Variants in CNIH4 observed in about 807,000 individuals in gnomAD.
CNIH4 encodes cornichon family member 4, also known as protein cornichon homolog 4.
A neutral mutation model predicts 21.5 loss-of-function variants in CNIH4; 9 were observed. That is an observed-to-expected ratio of 0.42 (90% CI 0.25 to 0.73). The LOEUF is 0.73. Among genes scored for constraint, CNIH4 ranks in the 30% least tolerant of loss-of-function variants. CNIH4 has a pLI of 0.27. For synonymous variants in CNIH4, 67 were observed against 59.1 expected, an observed-to-expected ratio of 1.13 and a Z score of -0.61; for missense variants, 159 against 170.0, an observed-to-expected ratio of 0.94 and a Z score of 0.36.
At chr1:224,357,053 T>C (rs1215084530) in intron 1 of CNIH4, 60 bp downstream of exon 1, 15 of 1,565,144 alleles carry the variant, frequency 9.6e-6, no homozygotes, top group East Asian at 2.3e-5. Flanking sequence ...GGTGGGCCAG[T>C]TGGGCACCCG....
At position 224,378,174 on chromosome 1, in the gene CNIH4, C is replaced by T. The variant is rs1305500875; in HGVS notation, c.*2352C>T. The T allele has an allele frequency of 6.6e-6, 1 of 152,310 alleles. No individual in the cohort carries two copies. Among genetic ancestry groups the T allele is most frequent in the Non-Finnish European group, 1.5e-5 (1 of 68,192 alleles). 9.4% of individuals were successfully genotyped at this position (152,310 alleles called of 1,614,324 possible). Reference sequence around the variant, plus strand: ...GACTCAAGCAGTCCTCCTGCCTCAGCTTCCCAAGTAGTTGGGAGTAGGTGC... The same window carrying T: ...GACTCAAGCAGTCCTCCTGCCTCAGTTTCCCAAGTAGTTGGGAGTAGGTGC... On this transcript the variant is annotated 3_prime_UTR_variant, in exon 5 of 5. Transcript: ENST00000465271.
intron 3 of CNIH4, 110 bp downstream of exon 3, chr1:224,366,101 G>A: frequency 1.4e-6 from 1 of 725,680 alleles, no homozygotes; most frequent in East Asian, 2.6e-5. Context: ...GAGTGCAGTG[G>A]TGTGATCTCA....
rs1024614712 is a variant in CNIH4 at position 224,357,027 on chromosome 1, G to T, written c.69+34G>T. ...GCCTGAGGCAGGCGAACGCCTTGCC[G>T]GGGGACACGGCTGAGGGTGGGCCAG... On this transcript the variant is annotated intron_variant, in intron 1 of 4. Coordinates refer to ENST00000465271, the MANE Select transcript of CNIH4 (RefSeq NM_014184.4). 3.8e-6 allele frequency: 6 copies of T among 1,590,478 alleles called. No individual in the cohort carries two copies. In the African/African-American group the frequency reaches 8.0e-5, roughly 21 times the overall value.
chr1:224,370,417 A>C (rs1170840173), intron 3 of CNIH4, among the ~76,000 whole-genome samples: 1 of 152,204 alleles, frequency 6.6e-6, no homozygotes, highest in Non-Finnish European at 1.5e-5. Flanking sequence ...GTGACAACTA[A>C]GGTTGTACTA....
At chr1:224,367,757 T>C (rs540340317) in intron 3 of CNIH4, among the ~76,000 whole-genome samples, 6 of 152,290 alleles carry the variant, frequency 3.9e-5, no homozygotes, top group Admixed American at 6.5e-5. Context: ...CGCCCTAAAG[T>C]GAGCTCTGAG....
chr1:224,375,483 T>TTTGTA (rs1672754188), intron 4 of CNIH4, among the ~76,000 whole-genome samples: 1 of 152,056 alleles, frequency 6.6e-6, no homozygotes, highest in African/African-American at 2.4e-5. Context: ...ATAGGTGTTT[T>TTTGTA]TTGTTTTGTT....
chr1:224,361,753 T>G (rs1363323948), intron 2 of CNIH4, among the ~76,000 whole-genome samples: 1 of 152,044 alleles, frequency 6.6e-6, no homozygotes, highest in African/African-American at 2.4e-5. Flanking sequence ...TGGCTGATTT[T>G]TAAAATTTTT....
At chr1:224,365,617 C>G (rs1672429696) in intron 2 of CNIH4, among the ~76,000 whole-genome samples, 1 of 152,140 alleles carries the variant, frequency 6.6e-6, no homozygotes, top group African/African-American at 2.4e-5. Flanking sequence ...TCATTCAAAT[C>G]TGCTTAATGA....
At position 224,357,284 on chromosome 1, in the gene CNIH4, CCCGCCTGCTCT is replaced by C. The variant is rs1672144384; in HGVS notation, c.69+296_69+306del. 1.5e-5 allele frequency: 5 copies of C among 322,802 alleles called. No homozygotes were observed. The Admixed American group carries it at 2.6e-4, about 17-fold the overall frequency. 20.0% of individuals were successfully genotyped at this position (322,802 alleles called of 1,614,324 possible). A position where few individuals can be genotyped will look rare whatever the true frequency, so the allele number is the denominator to read the frequency against. ...TCCGGGCGCGCCCCGTCTCGGCCTG[CCCGCCTGCTCT>C]CCGCTCGTCCCCGCGGCGCCCGGAC... On this transcript the variant is annotated intron_variant, in intron 1 of 4. Coordinates refer to ENST00000465271, the MANE Select transcript of CNIH4 (RefSeq NM_014184.4).
In CNIH4 at chr1:224,357,835, C is replaced by G. The variant is rs548390499; in HGVS notation, c.69+842C>G. On this transcript the variant is annotated intron_variant, in intron 1 of 4. Transcript: ENST00000465271. ...GTGGTTGAATTTAGCACTGCAGTAG[C>G]CATGTCGGCTACAACTCTTCCCATC... Among the ~76,000 whole-genome samples, 53 of 152,308 alleles carry G rather than the reference C, an allele frequency of 3.5e-4. 2 individuals are homozygous for G. In the South Asian group the frequency reaches 0.011, roughly 32 times the overall value.
intron 3 of CNIH4, among the ~76,000 whole-genome samples, chr1:224,370,768 AT>A (rs1043364622): frequency 5.9e-5 from 9 of 152,116 alleles, no homozygotes; most frequent in Non-Finnish European, 1.2e-4. Flanking sequence ...AGGGCAGAAG[AT>A]TAACAGTATT....
In CNIH4 at chr1:224,369,668, T is replaced by C. The variant is rs572697566; in HGVS notation, c.252-1615T>C. Among the ~76,000 whole-genome samples, 32 of 149,646 alleles carry C rather than the reference T, an allele frequency of 2.1e-4. 1 individual carries two copies. In the East Asian group the frequency reaches 4.2e-3, roughly 20 times the overall value. On this transcript the variant is annotated intron_variant, in intron 3 of 4. Coordinates refer to ENST00000465271, the MANE Select transcript of CNIH4 (RefSeq NM_014184.4). ...GAGGTAATGGATACCCCGTTTACCC[T>C]GATGTGATTTTTTTTTTTTTTTTTT... is the stretch of plus-strand genomic sequence containing the variant.
In CNIH4 at chr1:224,376,743, A is replaced by G. The variant is rs1256616245; in HGVS notation, c.*921A>G. 1 of 985,296 alleles carries G rather than the reference A, an allele frequency of 1.0e-6. No individual in the cohort carries two copies. The highest frequency in any genetic ancestry group is 1.2e-6 in the Non-Finnish European group (1 of 829,952). The allele number at this position is 985,296 out of a possible 1,614,324, so 61.0% of individuals were successfully genotyped here. ...TGAACTGGGAGACCAAATGCAAGCC[A>G]TTTCATGGACATAGCAATATACAAC... On this transcript the variant is annotated 3_prime_UTR_variant, in exon 5 of 5. Coordinates refer to ENST00000465271, the MANE Select transcript of CNIH4 (RefSeq NM_014184.4).
intron 2 of CNIH4, among the ~76,000 whole-genome samples, chr1:224,362,381 T>TC (rs1672319862): frequency 6.7e-6 from 1 of 149,670 alleles, no homozygotes. Context: ...CTCATTCTCA[T>TC]TCTCTCTCTC....
intron 3 of CNIH4, among the ~76,000 whole-genome samples, chr1:224,366,880 G>C (rs965151560): frequency 6.6e-6 from 1 of 151,748 alleles, no homozygotes; most frequent in Non-Finnish European, 1.5e-5. Flanking sequence ...GGAGAATGGC[G>C]TGAAGCCGGG....
chr1:224,361,574 AT>A (rs1672288885), intron 2 of CNIH4, among the ~76,000 whole-genome samples: 1 of 151,636 alleles, frequency 6.6e-6, no homozygotes, highest in Non-Finnish European at 1.5e-5. Context: ...TATTTTAAAA[AT>A]TTTCATAAAT....
At position 224,376,271 on chromosome 1, in the gene CNIH4, G is replaced by A. The variant is rs565238537; in HGVS notation, c.*449G>A. The A allele has an allele frequency of 1.6e-5, 16 of 986,514 alleles. No individual in the cohort carries two copies. In the South Asian group the frequency reaches 6.6e-4, roughly 41 times the overall value. 61.1% of individuals were successfully genotyped at this position (986,514 alleles called of 1,614,324 possible). ...AAATTACCCTTTTTGCTTGTGTTGT[G>A]ACAACTTCATTTAATATGGTTTAAA... On this transcript the variant is annotated 3_prime_UTR_variant, in exon 5 of 5. Transcript: ENST00000465271.
In CNIH4 at chr1:224,376,685, C is replaced by G. The variant is rs1481739504; in HGVS notation, c.*863C>G. ...TTTGGTGCGCCACGTGGTGCCAGAT[C>G]AACACTTCTATCCCTCTGCACTGAC... On this transcript the variant is annotated 3_prime_UTR_variant, in exon 5 of 5. Transcript: ENST00000465271. 1.0e-6 allele frequency: 1 copy of G among 985,332 alleles called. No individual in the cohort carries two copies. Among genetic ancestry groups the G allele is most frequent in the African/African-American group, 1.7e-5 (1 of 57,234 alleles). 61.0% of individuals were successfully genotyped at this position (985,332 alleles called of 1,614,324 possible). A position where few individuals can be genotyped will look rare whatever the true frequency, so the allele number is the denominator to read the frequency against.
chr1:224,376,623 G>A lies in CNIH4; in HGVS notation c.*801G>A. On this transcript the variant is annotated 3_prime_UTR_variant, in exon 5 of 5. Transcript: ENST00000465271. ...GTAGAAGATGCTAATCAGATTAGAA[G>A]CAGGAATAGTTATTTGCTGTCTGTG... is the stretch of plus-strand genomic sequence containing the variant. 1 of 985,400 alleles carries A rather than the reference G, an allele frequency of 1.0e-6. No individual in the cohort carries two copies. The highest frequency in any genetic ancestry group is 1.2e-6 in the Non-Finnish European group (1 of 829,944). The allele number at this position is 985,400 out of a possible 1,614,324, so 61.0% of individuals were successfully genotyped here.
Sources: gnomAD v4.1 joint callset for allele counts (sites outside exome capture counted in the v4.1 genomes callset) on GRCh38, gnomAD v4.1.1 for gene constraint, MANE v1.5 for transcripts, NCBI Gene and HGNC (gene_info 2026-07-23, HGNC 2026-07-21) for gene names.